The following OSBPL3 variants were observed in gnomAD, a reference collection of about 807,000 sequenced individuals.
The protein encoded by OSBPL3 is oxysterol binding protein like 3.
A neutral mutation model predicts 120.1 loss-of-function variants in OSBPL3; 65 were observed. The observed-to-expected ratio is 0.54, with a 90% confidence interval of 0.44 to 0.67. The LOEUF (loss-of-function observed/expected upper bound fraction) is 0.67, where lower values mean the gene tolerates loss of function less well. Ranked by LOEUF, OSBPL3 falls within the 30% of genes least tolerant of loss-of-function variation. The pLI is 0.00. For synonymous variants in OSBPL3, 416 were observed against 402.6 expected (o/e 1.03, Z -0.40); for missense variants, 1,004 against 1,082.1 (o/e 0.93, Z 1.01).
rs939378067 is a variant in OSBPL3 at position 24,883,894 on chromosome 7, A to C, written c.96+8483T>G. ...TTACTCAGAGTGGAAATATATTGAG[A>C]GCTCAGTCTTATTTCTTCAGCCTTC... On this transcript the variant is annotated intron_variant, in intron 2 of 22. Coordinates refer to ENST00000313367, the MANE Select transcript of OSBPL3 (RefSeq NM_015550.4). This position sits in a 1 kb window ranked among gnomAD's most constrained non-coding sequence, Gnocchi z 5.4. Among the ~76,000 whole-genome samples, 2 of 152,184 alleles carry C rather than the reference A, an allele frequency of 1.3e-5. No individual in the cohort carries two copies. The highest frequency in any genetic ancestry group is 2.9e-5 in the Non-Finnish European group (2 of 68,028).
intron 14 of OSBPL3, 48 bp downstream of exon 14, chr7:24,840,642 T>C: frequency 1.3e-6 from 1 of 768,470 alleles, no homozygotes; most frequent in Non-Finnish European, 2.2e-6. Flanking sequence ...CTTATTAGTA[T>C]TGTATGAAAA....
At chr7:24,917,320 A>G (rs1363165220) in intron 1 of OSBPL3, among the ~76,000 whole-genome samples, 1 of 150,534 alleles carries the variant, frequency 6.6e-6, no homozygotes, top group Non-Finnish European at 1.5e-5. Flanking sequence ...CAGACTGCGC[A>G]ATACAAGTAA....
In OSBPL3 at chr7:24,817,689, CAAGTT is replaced by C. The variant is rs1398747122; in HGVS notation, c.1949-1006_1949-1002del. On this transcript the variant is annotated intron_variant, in intron 17 of 22. Transcript: ENST00000313367. This position sits in a 1 kb window ranked among gnomAD's most constrained non-coding sequence, Gnocchi z 4.0. ...GTAGGAGAGAGGAGAAGCAAGGCGACAAGTTAAGAGGCTACTGCAATTGCCCAGGG... is the reference window on the plus strand; with the variant it reads ...GTAGGAGAGAGGAGAAGCAAGGCGACAAGAGGCTACTGCAATTGCCCAGGG... Among the ~76,000 whole-genome samples the C allele has an allele frequency of 6.6e-6, 1 of 152,034 alleles. No individual in the cohort carries two copies. Among genetic ancestry groups the C allele is most frequent in the African/African-American group, 2.4e-5 (1 of 41,366 alleles).
chr7:24,813,752 A>G lies in OSBPL3; in HGVS notation c.2172+1307T>C, dbSNP rs998296411. 6.6e-6 allele frequency among the ~76,000 whole-genome samples: 1 copy of G among 152,212 alleles called. No homozygotes were observed. Among genetic ancestry groups the G allele is most frequent in the African/African-American group, 2.4e-5 (1 of 41,458 alleles). On this transcript the variant is annotated intron_variant, in intron 19 of 22. Coordinates refer to ENST00000313367, the MANE Select transcript of OSBPL3 (RefSeq NM_015550.4). The surrounding 1 kb of genome is among the most constrained non-coding windows in gnomAD (Gnocchi z 4.5). Reference sequence around the variant, plus strand: ...TTATTTCGATCTTTGTTAAATGCCAATATTCCTTGAGGAGGGTCATGTTTT... The same window carrying G: ...TTATTTCGATCTTTGTTAAATGCCAGTATTCCTTGAGGAGGGTCATGTTTT...
rs1794569302 is a variant in OSBPL3, at chr7:24,817,095, C to A, written c.1949-407G>T. On this transcript the variant is annotated intron_variant, in intron 17 of 22. Transcript: ENST00000313367. This position sits in a 1 kb window ranked among gnomAD's most constrained non-coding sequence, Gnocchi z 4.0. ...GAGGAATAAGCAGGAGTTCACTGGG[C>A]AGAGAAAAAGCAATTTAAGGCCAAA... 6.6e-6 allele frequency among the ~76,000 whole-genome samples: 1 copy of A among 152,102 alleles called. No homozygotes were observed. The highest frequency in any genetic ancestry group is 2.4e-5 in the African/African-American group (1 of 41,418).
In OSBPL3 at chr7:24,938,216, T is replaced by C. The variant is rs999778100; in HGVS notation, c.-150+41670A>G. Among the ~76,000 whole-genome samples, 3 of 152,298 alleles carry C rather than the reference T, an allele frequency of 2.0e-5. No individual in the cohort carries two copies. The East Asian group carries it at 5.8e-4, about 29-fold the overall frequency. On this transcript the variant is annotated intron_variant, in intron 1 of 22. Transcript: ENST00000313367. The surrounding 1 kb of genome is among the most constrained non-coding windows in gnomAD (Gnocchi z 5.8). ...GGGCTCCCCCTTTGCATGGGATTAATACCCTTATGAAAGAGAGCCCAGAGA... is the reference window on the plus strand; with the variant it reads ...GGGCTCCCCCTTTGCATGGGATTAACACCCTTATGAAAGAGAGCCCAGAGA...
chr7:24,814,997 C>T lies in OSBPL3; in HGVS notation c.2172+62G>A, dbSNP rs1485287315. The stretch of plus-strand genomic sequence containing the variant: ...AAAAATCTCTCAAATGCCCTGTGCT[C>T]TGGGGCCCTGGCTCTGCCACAGCCC... On this transcript the variant is annotated intron_variant, in intron 19 of 22. Transcript: ENST00000313367. 1.5e-5 allele frequency: 23 copies of T among 1,539,628 alleles called. No individual in the cohort carries two copies. The East Asian group carries it at 4.3e-4, about 29-fold the overall frequency.
chr7:24,865,397 C>G lies in OSBPL3; in HGVS notation c.618G>C (p.Glu206Asp), dbSNP rs965604042. The G allele has an allele frequency of 1.9e-6, 3 of 1,613,512 alleles. No individual in the cohort carries two copies. The highest frequency in any genetic ancestry group is 3.3e-5 in the Admixed American group (2 of 60,024). The change falls in exon 7 of 23, where the codon GAG (glutamate) becomes GAC (aspartate). Residue 206 changes from glutamate to aspartate, a missense_variant. Coordinates refer to ENST00000313367, the MANE Select transcript of OSBPL3 (RefSeq NM_015550.4). ...ACTGTAACCATAATGGAACTCGTGT[C>G]TCACCACCACAAGAAAATGATACAT... ...GSNVSFSCGG[E>D]TRVPLWLQSS... is the part of the protein sequence containing the mutation.
intron 14 of OSBPL3, among the ~76,000 whole-genome samples, chr7:24,840,302 AC>A (rs1797579209): frequency 6.6e-6 from 1 of 152,046 alleles, no homozygotes; most frequent in Non-Finnish European, 1.5e-5. Flanking sequence ...TGCCTCTGCT[AC>A]CCTTGAGATA....
rs1378999849 is a variant in OSBPL3 at position 24,922,875 on chromosome 7, G to A, written c.-149-30254C>T. Among the ~76,000 whole-genome samples, 2 of 152,038 alleles carry A rather than the reference G, an allele frequency of 1.3e-5. No homozygotes were observed. Among genetic ancestry groups the A allele is most frequent in the East Asian group, 1.9e-4 (1 of 5,184 alleles). ...CCACAGGGCTAATTCTGATTCCAAAGCAAGCTTATTACTTTAGGGTCGATG... is the reference window on the plus strand; with the variant it reads ...CCACAGGGCTAATTCTGATTCCAAAACAAGCTTATTACTTTAGGGTCGATG... On this transcript the variant is annotated intron_variant, in intron 1 of 22. Transcript: ENST00000313367. The surrounding 1 kb of genome is among the most constrained non-coding windows in gnomAD (Gnocchi z 4.3).
rs565235695 is a variant in OSBPL3 at position 24,940,326 on chromosome 7, GA to G, written c.-150+39559del. Among the ~76,000 whole-genome samples, 34 of 152,274 alleles carry G rather than the reference GA, an allele frequency of 2.2e-4. No homozygotes were observed. Among genetic ancestry groups the G allele is most frequent in the African/African-American group, 7.2e-4 (30 of 41,542 alleles). On this transcript the variant is annotated intron_variant, in intron 1 of 22. Coordinates refer to ENST00000313367, the MANE Select transcript of OSBPL3 (RefSeq NM_015550.4). The surrounding 1 kb of genome is among the most constrained non-coding windows in gnomAD (Gnocchi z 4.4). The stretch of plus-strand genomic sequence containing the variant: ...ACTGTTGTGTTGAAACACAGTTGGA[GA>G]AAGAAATGAATCCTATAGAAGATCA...
rs938849270 is a variant in OSBPL3, at chr7:24,815,654, T to C, written c.2028-451A>G. Among the ~76,000 whole-genome samples the C allele has an allele frequency of 6.6e-6, 1 of 152,248 alleles. No homozygotes were observed. Among genetic ancestry groups the C allele is most frequent in the Non-Finnish European group, 1.5e-5 (1 of 68,042 alleles). On this transcript the variant is annotated intron_variant, in intron 18 of 22. Transcript: ENST00000313367. This position sits in a 1 kb window ranked among gnomAD's most constrained non-coding sequence, Gnocchi z 5.1. ...TTCAGATATTACTTATGGAATTCAA[T>C]AATTACGAGGAAAATGGTATTAATA...
At chr7:24,884,888 T>C (rs762459378) in intron 2 of OSBPL3, among the ~76,000 whole-genome samples, 4 of 152,306 alleles carry the variant, frequency 2.6e-5, no homozygotes, top group East Asian at 1.9e-4. Flanking sequence ...TCCCTCCTCC[T>C]TGACTGGACT....
chr7:24,810,755 T>C lies in OSBPL3; in HGVS notation c.2173-804A>G, dbSNP rs77140964. On this transcript the variant is annotated intron_variant, in intron 19 of 22. Coordinates refer to ENST00000313367, the MANE Select transcript of OSBPL3 (RefSeq NM_015550.4). Reference sequence around the variant, plus strand: ...CCTCTGCTTCTATGAGATCAACTCTTTTAGATTCCAAATATAAGTAAGATT... The same window carrying C: ...CCTCTGCTTCTATGAGATCAACTCTCTTAGATTCCAAATATAAGTAAGATT... 4.4e-3 allele frequency among the ~76,000 whole-genome samples: 667 copies of C among 152,340 alleles called. 3 individuals carry two copies. The highest frequency in any genetic ancestry group is 0.041 in the Middle Eastern group (12 of 294).
At position 24,912,516 on chromosome 7, in the gene OSBPL3, C is replaced by G. The variant is rs1808968420; in HGVS notation, c.-149-19895G>C. Among the ~76,000 whole-genome samples, 1 of 152,082 alleles carries G rather than the reference C, an allele frequency of 6.6e-6. No homozygotes were observed. The highest frequency in any genetic ancestry group is 1.5e-5 in the Non-Finnish European group (1 of 68,024). ...GTGCTTACCGTTTTTCATCAAAGAA[C>G]TCTGAGTACTATGCAAAAGGCAACT... On this transcript the variant is annotated intron_variant, in intron 1 of 22. Transcript: ENST00000313367. The surrounding 1 kb of genome is among the most constrained non-coding windows in gnomAD (Gnocchi z 4.5).
Position 24,964,408 on chromosome 7 carries a change from T to C in OSBPL3, c.-150+15478A>G, listed in dbSNP as rs1178437044. ...TACTCTTGATATGATGTAATGAGAA[T>C]GGCATTTTACCTCTGTAATCTTCTT... On this transcript the variant is annotated intron_variant, in intron 1 of 22. Transcript: ENST00000313367. The surrounding 1 kb of genome is among the most constrained non-coding windows in gnomAD (Gnocchi z 4.2). Among the ~76,000 whole-genome samples, 1 of 152,230 alleles carries C rather than the reference T, an allele frequency of 6.6e-6. No homozygotes were observed. The highest frequency in any genetic ancestry group is 1.5e-5 in the Non-Finnish European group (1 of 68,046).
chr7:24,900,755 C>G lies in OSBPL3; in HGVS notation c.-149-8134G>C, dbSNP rs546472330. 6.6e-6 allele frequency among the ~76,000 whole-genome samples: 1 copy of G among 152,258 alleles called. No individual in the cohort carries two copies. The highest frequency in any genetic ancestry group is 6.5e-5 in the Admixed American group (1 of 15,298). ...GGCCAAGGTAGGTGGATCGCTTGAG[C>G]TCACGAGTTCAAGACCAGCCTGGGC... On this transcript the variant is annotated intron_variant, in intron 1 of 22. Transcript: ENST00000313367. The surrounding 1 kb of genome is among the most constrained non-coding windows in gnomAD (Gnocchi z 4.5).
chr7:24,871,852 G>T lies in OSBPL3; in HGVS notation c.214-57C>A, dbSNP rs377010031. On this transcript the variant is annotated intron_variant, in intron 3 of 22. Coordinates refer to ENST00000313367, the MANE Select transcript of OSBPL3 (RefSeq NM_015550.4). This position sits in a 1 kb window ranked among gnomAD's most constrained non-coding sequence, Gnocchi z 4.8. ...ATTCAATTTAGGTGCCCTTTTCTTG[G>T]TCTCAAATTCCAACTAGAAATTAAA... 1.3e-6 allele frequency: 2 copies of T among 1,497,390 alleles called. No homozygotes were observed. Among genetic ancestry groups the T allele is most frequent in the East Asian group, 2.3e-5 (1 of 44,332 alleles). The allele number at this position is 1,497,390 out of a possible 1,614,324, so 92.8% of individuals were successfully genotyped here. A position where few individuals can be genotyped will look rare whatever the true frequency, so the allele number is the denominator to read the frequency against.
intron 2 of OSBPL3, among the ~76,000 whole-genome samples, chr7:24,890,224 G>C (rs1805144952): frequency 6.6e-6 from 1 of 152,164 alleles, no homozygotes; most frequent in Admixed American, 6.5e-5. Context: ...GTTGGTATTT[G>C]TACAGATTAT....
Sources: gnomAD v4.1 joint callset for allele counts (sites outside exome capture counted in the v4.1 genomes callset) on GRCh38, gnomAD v4.1.1 for gene constraint, Gnocchi (gnomAD v3.1) non-coding constraint, MANE v1.5 for transcripts, NCBI Gene and HGNC (gene_info 2026-07-23, HGNC 2026-07-21) for gene names.